Variants in KATNB1 observed in about 807,000 individuals in gnomAD.
The protein encoded by KATNB1 is katanin p80 WD40 repeat-containing subunit B1.
KATNB1 carries 38 observed loss-of-function variants against 82.3 expected under a neutral mutation model. The observed-to-expected ratio is 0.46, with a 90% confidence interval of 0.36 to 0.61. KATNB1 has a LOEUF of 0.61. Among genes scored for constraint, KATNB1 ranks in the 20% least tolerant of loss-of-function variants. The probability of loss-of-function intolerance (pLI) is 0.00; values close to 1 mark genes in which losing one functional copy is unlikely to be tolerated. For missense variants in KATNB1, 749 were observed against 915.7 expected (o/e 0.82, Z 2.35); for synonymous variants, 361 against 368.7 (o/e 0.98, Z 0.24).
In KATNB1 at chr16:57,742,209, G is replaced by A. The variant is rs1236812069; in HGVS notation, c.171+392G>A. Among the ~76,000 whole-genome samples, 3 of 152,246 alleles carry A rather than the reference G, an allele frequency of 2.0e-5. No homozygotes were observed. In the East Asian group the frequency reaches 5.8e-4, roughly 29 times the overall value. ...ATCTGCCTGCCTGGCAGCAACATGTGGGCGTTTATTTTAATTCATTCCCAG... is the reference window on the plus strand; with the variant it reads ...ATCTGCCTGCCTGGCAGCAACATGTAGGCGTTTATTTTAATTCATTCCCAG... On this transcript the variant is annotated intron_variant, in intron 3 of 19. Coordinates refer to ENST00000379661, the MANE Select transcript of KATNB1 (RefSeq NM_005886.3).
At chr16:57,737,840 T>C (rs1325113984) in intron 2 of KATNB1, among the ~76,000 whole-genome samples, 1 of 152,200 alleles carries the variant, frequency 6.6e-6, no homozygotes, top group Non-Finnish European at 1.5e-5. Context: ...CTTCATACTT[T>C]AAGAATTATT....
chr16:57,752,067 G>A lies in KATNB1; in HGVS notation c.632+12G>A, dbSNP rs1555583442. ...GGCAGCTCTGACAGGTGAGGAGGAGGAGCGAGGCGAGTTGCTTGTGACTGC... is the reference window on the plus strand; with the variant it reads ...GGCAGCTCTGACAGGTGAGGAGGAGAAGCGAGGCGAGTTGCTTGTGACTGC... On this transcript the variant is annotated intron_variant, in intron 8 of 19. Coordinates refer to ENST00000379661, the MANE Select transcript of KATNB1 (RefSeq NM_005886.3). The A allele has an allele frequency of 1.3e-6, 2 of 1,563,168 alleles. No homozygotes were observed.
chr16:57,755,489 A>C lies in KATNB1; in HGVS notation c.1561A>C (p.Ile521Leu). Residue 521 changes from isoleucine (I) to leucine (L), a missense_variant, in exon 16 of 20, where the codon ATC (isoleucine) becomes CTC (leucine). By Grantham distance (5) the Ile-to-Leu change is conservative. Coordinates refer to ENST00000379661, the MANE Select transcript of KATNB1 (RefSeq NM_005886.3). The stretch of plus-strand genomic sequence containing the variant: ...GCGGGCTGTGTGGACCATGGGCGAC[A>C]TCAAGGCAAGTGCCCACCCTTGCAC... ...TVRAVWTMGD[I>L]KTSVDSAVAI... 1 of 1,612,514 alleles carries C rather than the reference A, an allele frequency of 6.2e-7. No individual in the cohort carries two copies. Among genetic ancestry groups the C allele is most frequent in the South Asian group, 1.1e-5 (1 of 91,074 alleles).
intron 4 of KATNB1, among the ~76,000 whole-genome samples, chr16:57,745,401 T>TA (rs1366339884): frequency 1.8e-4 from 26 of 148,092 alleles, no homozygotes; most frequent in African/African-American, 6.5e-4. Context: ...CCATCTCTAC[T>TA]AAAAATACAA....
intron 4 of KATNB1, among the ~76,000 whole-genome samples, chr16:57,746,217 C>T (rs1269033127): frequency 4.6e-5 from 7 of 152,158 alleles, no homozygotes; most frequent in African/African-American, 1.2e-4. Context: ...AATAAAATAT[C>T]GCCCTCAGAA....
At position 57,741,698 on chromosome 16, in the gene KATNB1, G is replaced by A. The variant is rs781858200; in HGVS notation, c.52G>A (p.Ala18Thr). 5.0e-6 allele frequency: 8 copies of A among 1,613,666 alleles called. No individual in the cohort carries two copies. Among genetic ancestry groups the A allele is most frequent in the Admixed American group, 3.3e-5 (2 of 59,964 alleles). ...KTAWKLQEIV[A>T]HASNVSSLVL... ...CCTTCCCTGTGTAGAAGAGATCGTC[G>A]CGCATGCCAGCAACGTGTCCTCACT... Residue 18 changes from alanine (A) to threonine (T), a missense_variant, in exon 3 of 20, where the codon GCG (alanine) becomes ACG (threonine). Physicochemically the swap from Ala to Thr is moderately conservative, Grantham distance 58 (BLOSUM62 0). Transcript: ENST00000379661.
At chr16:57,754,083 T>G in intron 13 of KATNB1, 88 bp downstream of exon 13, 1 of 1,130,982 alleles carries the variant, frequency 8.8e-7, no homozygotes, top group Non-Finnish European at 1.3e-6. Flanking sequence ...AACAAGCCCC[T>G]TCCCAGGACC....
intron 2 of KATNB1, 85 bp downstream of exon 2, chr16:57,737,368 C>T: frequency 6.7e-7 from 1 of 1,501,276 alleles, no homozygotes. Flanking sequence ...AGCTTTGTTT[C>T]CTGTTCTTGG....
chr16:57,735,896 G>A, intron 1 of KATNB1, 41 bp downstream of exon 1: 1 of 152,722 alleles, frequency 6.5e-6, no homozygotes, highest in Non-Finnish European at 1.5e-5. Flanking sequence ...GGGACGGTGG[G>A]CCCTGGGCTG....
rs898590908 is a variant in KATNB1, at chr16:57,741,878, G to A, written c.171+61G>A. On this transcript the variant is annotated intron_variant, in intron 3 of 19. Coordinates refer to ENST00000379661, the MANE Select transcript of KATNB1 (RefSeq NM_005886.3). The stretch of plus-strand genomic sequence containing the variant: ...GGCCTGGGGAGGGGACGGGGACAGG[G>A]GTTGGAGGCTGAAGAGTGAGCAGCT... 4 of 1,547,566 alleles carry A rather than the reference G, an allele frequency of 2.6e-6. No homozygotes were observed. The African/African-American group carries it at 4.1e-5, about 16-fold the overall frequency.
At chr16:57,754,035 C>T (rs782214517) in intron 13 of KATNB1, 40 bp downstream of exon 13, 11 of 1,524,672 alleles carry the variant, frequency 7.2e-6, no homozygotes, top group African/African-American at 4.3e-5. Flanking sequence ...TCTCTGATGC[C>T]CCCCCGTCCC....
chr16:57,755,689 T>A (rs2049270510), intron 16 of KATNB1, 152 bp from the exon 17 acceptor site: 1 of 975,114 alleles, frequency 1.0e-6, no homozygotes, highest in Non-Finnish European at 1.5e-6. Flanking sequence ...TCTGTTTACA[T>A]GCCTGGCCTT....
chr16:57,744,578 T>C, intron 4 of KATNB1, 67 bp downstream of exon 4: 1 of 1,295,322 alleles, frequency 7.7e-7, no homozygotes, highest in East Asian at 2.3e-5. Flanking sequence ...GCAGTTGTAC[T>C]GCTTCCTCCA....
chr16:57,744,776 CGTGTGT>C lies in KATNB1; in HGVS notation c.289+286_289+291del, dbSNP rs60853487. ...GTTTGGATGTGTGTGTCTGCGGGCA[CGTGTGT>C]GTGTGTGTGTGTGTGTGTGTTTAGA... On this transcript the variant is annotated intron_variant, in intron 4 of 19. Coordinates refer to ENST00000379661, the MANE Select transcript of KATNB1 (RefSeq NM_005886.3). Among the ~76,000 whole-genome samples, 218 of 149,492 alleles carry C rather than the reference CGTGTGT, an allele frequency of 1.5e-3. 2 individuals carry two copies. The highest frequency in any genetic ancestry group is 0.012 in the East Asian group (63 of 5,042).
intron 4 of KATNB1, 149 bp downstream of exon 4, chr16:57,744,660 C>A: frequency 1.4e-6 from 1 of 690,578 alleles, no homozygotes; most frequent in Non-Finnish European, 2.6e-6. Flanking sequence ...ACCCACTCCA[C>A]CCCCATTAGC....
At chr16:57,754,566 C>T (rs2049259900) in intron 13 of KATNB1, among the ~76,000 whole-genome samples, 1 of 152,160 alleles carries the variant, frequency 6.6e-6, no homozygotes, top group Non-Finnish European at 1.5e-5. Flanking sequence ...TAGAGTACCC[C>T]TGCCCTCCCC....
intron 3 of KATNB1, among the ~76,000 whole-genome samples, chr16:57,743,889 C>T (rs2148790490): frequency 6.6e-6 from 1 of 152,376 alleles, no homozygotes; most frequent in African/African-American, 2.4e-5. Flanking sequence ...ACAGCCCTCT[C>T]CTTTCCACGG....
intron 1 of KATNB1, among the ~76,000 whole-genome samples, chr16:57,736,361 G>T (rs2148786107): frequency 6.6e-6 from 1 of 152,270 alleles, no homozygotes; most frequent in African/African-American, 2.4e-5. Context: ...TGGGAAAGAG[G>T]TGAAGTGGCT....
intron 18 of KATNB1, 52 bp from the exon 19 acceptor site, chr16:57,756,304 T>C (rs781817748): frequency 9.3e-6 from 14 of 1,502,488 alleles, no homozygotes; most frequent in Non-Finnish European, 1.3e-5. Context: ...CTGTTTCTCT[T>C]TCTGTCTGTG....
Sources: gnomAD v4.1 joint callset for allele counts (sites outside exome capture counted in the v4.1 genomes callset) on GRCh38, gnomAD v4.1.1 for gene constraint, MANE v1.5 for transcripts, NCBI Gene and HGNC (gene_info 2026-07-23, HGNC 2026-07-21) for gene names.